TGIF1: variants seen among roughly 807,000 people sequenced by gnomAD.
TGIF1 encodes the protein homeobox protein TGIF1.
Under a neutral mutation model 19.3 loss-of-function variants are expected in TGIF1, and 4 were observed. The observed-to-expected ratio is 0.21, with a 90% CI of 0.10 to 0.47. The LOEUF (loss-of-function observed/expected upper bound fraction) is 0.47. Among genes scored for constraint, TGIF1 ranks in the 20% least tolerant of loss-of-function variants. TGIF1 has a pLI of 0.98. For synonymous variants in TGIF1, 122 were observed against 129.3 expected (o/e 0.94, Z 0.38); for missense variants, 275 against 341.4 (o/e 0.81, Z 1.53).
upstream of TGIF1, among the ~76,000 whole-genome samples, chr18:3,446,801 T>TTAAACAGC (rs748779123): frequency 1.2e-4 from 18 of 152,162 alleles, no homozygotes; most frequent in Admixed American, 3.3e-4. Flanking sequence ...TGTCCAGTGT[T>TTAAACAGC]TAGAGCCTAG....
At position 3,456,199 on chromosome 18, in the gene TGIF1, T is replaced by C. The variant is rs2049347833; in HGVS notation, c.17-155T>C. Reference sequence around the variant, plus strand: ...GTGGTGCTAGTCAAACTACTTTTACTTGGACCCTGAATTCAGGACAGAAAA... The same window carrying C: ...GTGGTGCTAGTCAAACTACTTTTACCTGGACCCTGAATTCAGGACAGAAAA... On this transcript the variant is annotated intron_variant, in intron 1 of 2. Coordinates refer to ENST00000343820, the MANE Select transcript of TGIF1 (RefSeq NM_003244.4). This position sits in a 1 kb window ranked among gnomAD's most constrained non-coding sequence, Gnocchi z 4.2. The C allele has an allele frequency of 2.5e-6, 2 of 813,964 alleles. No individual in the cohort carries two copies. Among genetic ancestry groups the C allele is most frequent in the African/African-American group, 1.7e-5 (1 of 59,876 alleles). 50.4% of individuals were successfully genotyped at this position (813,964 alleles called of 1,614,324 possible).
upstream of TGIF1, among the ~76,000 whole-genome samples, chr18:3,445,753 A>AAAAAAAAAAAAG (rs2082735125): frequency 1.1e-5 from 1 of 89,708 alleles, no homozygotes; most frequent in East Asian, 3.1e-4. Flanking sequence ...AAAAAAAAAA[A>AAAAAAAAAAAAG]GAGAAGAAAA....
At chr18:3,448,715 G>GTTTTTTTTTTTTTTTTT (rs2082800740), upstream of TGIF1, 1 of 429,374 alleles carries the variant, frequency 2.3e-6, no homozygotes. Context: ...GGGCGGGGGT[G>GTTTTTTTTTTTTTTTTT]TCTTTTTTTT....
At chr18:3,453,128 G>A (rs2083038395) in intron 1 of TGIF1, among the ~76,000 whole-genome samples, 1 of 151,922 alleles carries the variant, frequency 6.6e-6, no homozygotes. Flanking sequence ...CCTGGAGACC[G>A]GGTCTGGCTA....
At chr18:3,425,797 A>G (rs911649917) in intron 2 of TGIF1, among the ~76,000 whole-genome samples, 2 of 152,106 alleles carry the variant, frequency 1.3e-5, no homozygotes, top group Non-Finnish European at 2.9e-5. Flanking sequence ...GCATCGTGTC[A>G]ACTGAACTCT....
At chr18:3,421,667 C>T (rs527383999) in intron 2 of TGIF1, among the ~76,000 whole-genome samples, 1 of 151,970 alleles carries the variant, frequency 6.6e-6, no homozygotes, top group African/African-American at 2.4e-5. Context: ...CCATCTCGGC[C>T]GCCTAAAGTG....
chr18:3,433,405 T>G (rs991548958), intron 2 of TGIF1, among the ~76,000 whole-genome samples: 3 of 152,146 alleles, frequency 2.0e-5, no homozygotes, highest in African/African-American at 7.2e-5. Flanking sequence ...TAAAATCACT[T>G]TAAGATTAAA....
At chr18:3,454,277 AG>A (rs2083091994) in intron 1 of TGIF1, among the ~76,000 whole-genome samples, 2 of 152,198 alleles carry the variant, frequency 1.3e-5, no homozygotes, top group South Asian at 4.1e-4. Flanking sequence ...AGCAGATCAA[AG>A]GGCAGCCTTC....
rs543392097 is a variant in TGIF1, at chr18:3,432,981, A to T, written c.-45+14766A>T. Among the ~76,000 whole-genome samples, 10 of 151,338 alleles carry T rather than the reference A, an allele frequency of 6.6e-5. No individual in the cohort carries two copies. The South Asian group carries it at 1.9e-3, about 28-fold the overall frequency. Reference sequence around the variant, plus strand: ...TCCACGTTGGTCAGGCTGGTCTCGAACTCCCGACCTCAGGTCATCCGCCCG... The same window carrying T: ...TCCACGTTGGTCAGGCTGGTCTCGATCTCCCGACCTCAGGTCATCCGCCCG... On this transcript the variant is annotated intron_variant, in intron 2 of 3. Coordinates refer to the TGIF1 transcript ENST00000401449.
intron 2 of TGIF1, among the ~76,000 whole-genome samples, chr18:3,425,145 T>C (rs1270910119): frequency 1.3e-5 from 2 of 152,236 alleles, no homozygotes; most frequent in African/African-American, 4.8e-5. Context: ...TTCAGGTAGA[T>C]AGTGTCAGAA....
rs367749784 is a variant in TGIF1, at chr18:3,450,196, G to A, written c.-294G>A. 7.1e-5 allele frequency: 96 copies of A among 1,361,012 alleles called. 2 individuals are homozygous for A. The East Asian group carries it at 2.1e-3, about 30-fold the overall frequency. The allele number at this position is 1,361,012 out of a possible 1,614,324, so 84.3% of individuals were successfully genotyped here. On this transcript the variant is annotated 5_prime_UTR_variant, in exon 1 of 3. Transcript: ENST00000343820. ...CACTCTGACAGCGCCGAGGTGCGCC[G>A]AGCAGGAGCAGGGAACAAAGGAGCG... is the stretch of plus-strand genomic sequence containing the variant.
chr18:3,456,309 C>G lies in TGIF1; in HGVS notation c.17-45C>G. On this transcript the variant is annotated intron_variant, in intron 1 of 2. Transcript: ENST00000343820. The surrounding 1 kb of genome is among the most constrained non-coding windows in gnomAD (Gnocchi z 4.2). ...CGTTAAGTGAGCTTTGCAATAGTTG[C>G]TGTGCTTATAAAGCAACTGACAACT... 1.9e-6 allele frequency: 3 copies of G among 1,556,744 alleles called. No homozygotes were observed. The highest frequency in any genetic ancestry group is 2.2e-5 in the South Asian group (2 of 89,892).
intron 2 of TGIF1, among the ~76,000 whole-genome samples, chr18:3,429,457 A>C (rs1465236316): frequency 1.3e-5 from 2 of 152,258 alleles, no homozygotes; most frequent in African/African-American, 4.8e-5. Context: ...TAACATTCCA[A>C]GCAAAAAAAA....
chr18:3,422,280 CA>C (rs2082409408), intron 2 of TGIF1, among the ~76,000 whole-genome samples: 1 of 21,046 alleles, frequency 4.8e-5, no homozygotes, highest in Non-Finnish European at 1.2e-4. Context: ...CAGTTTTTAA[CA>C]AAAAGTTTAA....
intron 2 of TGIF1, among the ~76,000 whole-genome samples, chr18:3,435,267 A>C (rs1157412415): frequency 6.7e-6 from 1 of 149,462 alleles, no homozygotes; most frequent in Non-Finnish European, 1.5e-5. Context: ...ATCTCGGCTC[A>C]CTGCAACCTC....
At position 3,457,451 on chromosome 18, in the gene TGIF1, T is replaced by C; in HGVS notation, c.330T>C (p.Ile110=). 1 of 1,614,192 alleles carries C rather than the reference T, an allele frequency of 6.2e-7. No individual in the cohort carries two copies. Among genetic ancestry groups the C allele is most frequent in the Non-Finnish European group, 8.5e-7 (1 of 1,180,036 alleles). Residue 110 remains isoleucine (I), a synonymous_variant, in exon 3 of 3, where the codon ATT becomes ATC. Coordinates refer to ENST00000343820, the MANE Select transcript of TGIF1 (RefSeq NM_003244.4). This position sits in a 1 kb window ranked among gnomAD's most constrained non-coding sequence, Gnocchi z 4.9. ...GCAAAGATCCAAATCAGTTCACAATTTCCCGCCGTGGGGCCAAGATTTCTG... is the reference window on the plus strand; with the variant it reads ...GCAAAGATCCAAATCAGTTCACAATCTCCCGCCGTGGGGCCAAGATTTCTG... ...KDGKDPNQFT[I]SRRGAKISET...
chr18:3,449,995 C>G (rs1173993931), upstream of TGIF1: 39 of 989,032 alleles, frequency 3.9e-5, no homozygotes, highest in Non-Finnish European at 4.2e-5. Flanking sequence ...CCGGCCACCC[C>G]CCGCGTCCGC....
chr18:3,455,752 T>A (rs184587331), intron 1 of TGIF1: 57 of 159,172 alleles, frequency 3.6e-4, no homozygotes, highest in Admixed American at 2.4e-3. Context: ...TGACCATGCA[T>A]GGTGTTAGCA....
At chr18:3,453,833 C>T in intron 1 of TGIF1, 3 of 985,324 alleles carry the variant, frequency 3.0e-6, no homozygotes, top group Non-Finnish European at 2.4e-6. Context: ...CCCCCACCCT[C>T]CCCACCGCCA....
Sources: gnomAD v4.1 joint callset for allele counts (sites outside exome capture counted in the v4.1 genomes callset) on GRCh38, gnomAD v4.1.1 for gene constraint, Gnocchi (gnomAD v3.1) non-coding constraint, MANE v1.5 for transcripts, NCBI Gene and HGNC (gene_info 2026-07-23, HGNC 2026-07-21) for gene names.